Variants in NID1 observed in about 807,000 individuals in gnomAD.
NID1 encodes nidogen 1, also known as nidogen-1.
NID1 carries 76 observed loss-of-function variants against 130.6 expected under a neutral mutation model. The ratio of observed to expected loss-of-function variants is 0.58; its 90% CI spans 0.48 to 0.70. The LOEUF is 0.70. Ranked by LOEUF, NID1 falls within the 30% of genes least tolerant of loss-of-function variation. NID1 has a pLI of 0.00. For missense variants in NID1, 1,517 were observed against 1,664.8 expected (o/e 0.91, Z 1.54); for synonymous variants, 665 against 675.1 (o/e 0.98, Z 0.23).
At chr1:235,987,595 C>T (rs770544511) in intron 14 of NID1, among the ~76,000 whole-genome samples, 9 of 152,230 alleles carry the variant, frequency 5.9e-5, no homozygotes, top group African/African-American at 1.4e-4. Flanking sequence ...AAGAAGCTGC[C>T]GGGCTGTATG....
intron 19 of NID1, among the ~76,000 whole-genome samples, chr1:235,978,193 A>G (rs1657326556): frequency 6.6e-6 from 1 of 152,206 alleles, no homozygotes; most frequent in Non-Finnish European, 1.5e-5. Flanking sequence ...AACCAGACAC[A>G]AACACTGATT....
intron 4 of NID1, among the ~76,000 whole-genome samples, chr1:236,038,829 CATATATAATAAATATTACCTATGT>C (rs1158791903): frequency 4.1e-5 from 5 of 122,636 alleles, no homozygotes; most frequent in African/African-American, 1.7e-4. Context: ...TTATATAGGT[CATATATAATAAATATTACCTATGT>C]TATATAGGTC....
chr1:235,980,196 C>T (rs983001036), intron 17 of NID1, among the ~76,000 whole-genome samples: 5 of 152,214 alleles, frequency 3.3e-5, no homozygotes, highest in Non-Finnish European at 7.3e-5. Context: ...AGGGTGACTC[C>T]AGGCTCTGTG....
chr1:235,978,903 C>A, intron 19 of NID1, 92 bp downstream of exon 19: 1 of 815,112 alleles, frequency 1.2e-6, no homozygotes, highest in Non-Finnish European at 2.1e-6. Context: ...ATAATCAAGG[C>A]TACTAGTGGC....
chr1:236,008,667 ATT>A (rs756227226), intron 12 of NID1, among the ~76,000 whole-genome samples: 8 of 138,584 alleles, frequency 5.8e-5, no homozygotes, highest in Admixed American at 7.3e-5. Context: ...CGCCCAGCTA[ATT>A]TTTTTTTTTT....
intron 4 of NID1, among the ~76,000 whole-genome samples, chr1:236,040,580 T>C (rs924684014): frequency 2.0e-5 from 3 of 152,156 alleles, no homozygotes; most frequent in Admixed American, 6.5e-5. Flanking sequence ...AGGCTTGGAC[T>C]ATCCCATTTA....
In NID1 at chr1:236,037,424, G is replaced by A. The variant is rs59933881; in HGVS notation, c.1285+680C>T. ...TGTAATCCCAACATTTCGGGAGGCCGAGGCAGGCAGATTATTTGAGGTCAG... is the reference window on the plus strand; with the variant it reads ...TGTAATCCCAACATTTCGGGAGGCCAAGGCAGGCAGATTATTTGAGGTCAG... On this transcript the variant is annotated intron_variant, in intron 5 of 19. Coordinates refer to ENST00000264187, the MANE Select transcript of NID1 (RefSeq NM_002508.3). 7.1e-3 allele frequency among the ~76,000 whole-genome samples: 1,081 copies of A among 152,294 alleles called. 17 individuals carry two copies. Among genetic ancestry groups the A allele is most frequent in the African/African-American group, 0.025 (1,040 of 41,552 alleles).
chr1:236,041,360 C>A (rs1659444657), intron 4 of NID1, among the ~76,000 whole-genome samples: 1 of 152,142 alleles, frequency 6.6e-6, no homozygotes, highest in Non-Finnish European at 1.5e-5. Context: ...GCCACCACCC[C>A]CGACCCTATT....
intron 2 of NID1, among the ~76,000 whole-genome samples, chr1:236,047,958 G>A (rs1659653882): frequency 6.7e-6 from 1 of 148,682 alleles, no homozygotes; most frequent in South Asian, 2.1e-4. Context: ...CCTGGGAGGT[G>A]GAGGCTGCAG....
intron 7 of NID1, among the ~76,000 whole-genome samples, chr1:236,029,060 C>T (rs1303971694): frequency 1.3e-5 from 2 of 151,792 alleles, no homozygotes; most frequent in Non-Finnish European, 2.9e-5. Context: ...GCCTGTAGGC[C>T]CAGCTACTTG....
At chr1:236,063,484 A>T (rs1404764835) in intron 1 of NID1, among the ~76,000 whole-genome samples, 3 of 104,618 alleles carry the variant, frequency 2.9e-5, no homozygotes, top group African/African-American at 9.3e-5. Flanking sequence ...AAAAAAAAAT[A>T]AATAAATAAA....
In NID1 at chr1:235,991,178, G is replaced by A. The variant is rs1657728200; in HGVS notation, c.2756-120C>T. 1.3e-5 allele frequency: 10 copies of A among 781,792 alleles called. No homozygotes were observed. In the Admixed American group the frequency reaches 1.3e-4, roughly 10 times the overall value. 48.4% of individuals were successfully genotyped at this position (781,792 alleles called of 1,614,324 possible). A position where few individuals can be genotyped will look rare whatever the true frequency, so the allele number is the denominator to read the frequency against. On this transcript the variant is annotated intron_variant, in intron 13 of 19. Transcript: ENST00000264187. ...ACACATACACACACCCACACATCAG[G>A]TCACATCACCTTCATGGCACCACAA...
intron 9 of NID1, 53 bp downstream of exon 9, chr1:236,024,017 C>T (rs1455487375): frequency 2.5e-6 from 4 of 1,602,134 alleles, no homozygotes; most frequent in Non-Finnish European, 3.4e-6. Flanking sequence ...AACGTGGATG[C>T]CTCCTCCTCG....
Position 236,024,170 on chromosome 1 carries a change from A to C in NID1, c.2028T>G (p.Thr676=), listed in dbSNP as rs764194869. 1.2e-6 allele frequency: 2 copies of C among 1,614,264 alleles called. No individual in the cohort carries two copies. The highest frequency in any genetic ancestry group is 2.2e-5 in the East Asian group (1 of 44,896). The change falls in exon 9 of 20, where the codon ACT becomes ACG. Residue 676 remains threonine, a synonymous_variant. Coordinates refer to ENST00000264187, the MANE Select transcript of NID1 (RefSeq NM_002508.3). ...DALQNPCYIG[T]HGCDTNAACR... Reference sequence around the variant, plus strand: ...AGGCCGCGTTGGTGTCACACCCATGAGTGCCGATGTAGCAGGGATTCTGAA... The same window carrying C: ...AGGCCGCGTTGGTGTCACACCCATGCGTGCCGATGTAGCAGGGATTCTGAA...
At chr1:236,004,492 G>A (rs1196785729) in intron 12 of NID1, among the ~76,000 whole-genome samples, 1 of 152,200 alleles carries the variant, frequency 6.6e-6, no homozygotes, top group African/African-American at 2.4e-5. Context: ...GCCAGGCGCG[G>A]TGGCTCATGC....
In NID1 at chr1:236,040,759, G is replaced by C. The variant is rs1659428554; in HGVS notation, c.1135+1151C>G. ...GCTCACTGCAACCTCCACCTCTCAGGTTCGAGCGATTCTCTGGCCTCAGCC... is the reference window on the plus strand; with the variant it reads ...GCTCACTGCAACCTCCACCTCTCAGCTTCGAGCGATTCTCTGGCCTCAGCC... On this transcript the variant is annotated intron_variant, in intron 4 of 19. Coordinates refer to ENST00000264187, the MANE Select transcript of NID1 (RefSeq NM_002508.3). Among the ~76,000 whole-genome samples, 3 of 152,074 alleles carry C rather than the reference G, an allele frequency of 2.0e-5. No individual in the cohort carries two copies. The South Asian group carries it at 6.2e-4, about 32-fold the overall frequency.
At chr1:235,998,126 A>G (rs1050535100) in intron 12 of NID1, among the ~76,000 whole-genome samples, 1 of 152,196 alleles carries the variant, frequency 6.6e-6, no homozygotes, top group Non-Finnish European at 1.5e-5. Context: ...ACACAGTGAC[A>G]TTCCATAAGT....
chr1:236,016,881 G>A (rs1430503600), intron 10 of NID1, among the ~76,000 whole-genome samples: 1 of 152,172 alleles, frequency 6.6e-6, no homozygotes. Context: ...ATTAAAAGAA[G>A]TTTATAAGAG....
chr1:236,005,232 G>A (rs1350059495), intron 12 of NID1, among the ~76,000 whole-genome samples: 6 of 87,332 alleles, frequency 6.9e-5, no homozygotes, highest in Admixed American at 2.0e-4. Context: ...AGATATAGGC[G>A]GGGGGTGGGG....
Sources: allele counts gnomAD v4.1 joint callset (sites outside exome capture counted in the v4.1 genomes callset), GRCh38; gene constraint gnomAD v4.1.1; transcripts MANE v1.5; gene names NCBI Gene and HGNC (gene_info 2026-07-23, HGNC 2026-07-21).